SMG5: variants seen among roughly 807,000 people sequenced by gnomAD.
The protein encoded by SMG5 is SMG5 nonsense mediated mRNA decay factor.
Under a neutral mutation model 122.9 loss-of-function variants are expected in SMG5, and 53 were observed. The ratio of observed to expected loss-of-function variants is 0.43; its 90% CI spans 0.35 to 0.54. The LOEUF (loss-of-function observed/expected upper bound fraction) is 0.54. Ranked by LOEUF, SMG5 falls within the 20% of genes least tolerant of loss-of-function variation. The pLI is 0.01. For synonymous variants in SMG5, 477 were observed against 490.2 expected (o/e 0.97, Z 0.35); for missense variants, 1,153 against 1,285.6 (o/e 0.90, Z 1.58).
At chr1:156,283,003 A>C, upstream of SMG5, 1 of 505,540 alleles carries the variant, frequency 2.0e-6, no homozygotes, top group Non-Finnish European at 3.5e-6. Flanking sequence ...TTTATTGGCA[A>C]AGCTATCAGA....
At chr1:156,287,315 C>T (rs1042333717), upstream of SMG5, among the ~76,000 whole-genome samples, 2 of 152,046 alleles carry the variant, frequency 1.3e-5, no homozygotes, top group African/African-American at 2.4e-5. Context: ...ATTCAGGAGG[C>T]GGAGGCAGGA....
At chr1:156,269,415 C>T (rs1662299568) in intron 7 of SMG5, among the ~76,000 whole-genome samples, 1 of 152,188 alleles carries the variant, frequency 6.6e-6, no homozygotes, top group Admixed American at 6.5e-5. Context: ...GCCCTCAACC[C>T]TGTCTTACTA....
At chr1:156,261,270 G>A in intron 14 of SMG5, 63 bp downstream of exon 14, 1 of 1,508,276 alleles carries the variant, frequency 6.6e-7, no homozygotes, top group East Asian at 2.3e-5. Flanking sequence ...GGGGAGGGGA[G>A]ATGGGCTTAG....
At chr1:156,253,341 A>G (rs2103206402) in intron 17 of SMG5, 108 bp downstream of exon 17, 2 of 1,186,114 alleles carry the variant, frequency 1.7e-6, no homozygotes, top group East Asian at 4.7e-5. Context: ...GGAGGGACAC[A>G]GAGGCAACAG....
rs1185086892 is a variant in SMG5, at chr1:156,263,377, T to C, written c.2031+18A>G. The C allele has an allele frequency of 3.7e-6, 6 of 1,600,108 alleles. No individual in the cohort carries two copies. Among genetic ancestry groups the C allele is most frequent in the Non-Finnish European group, 1.7e-6 (2 of 1,169,906 alleles). On this transcript the variant is annotated intron_variant, in intron 13 of 21. Transcript: ENST00000361813. ...AGACCCTGGGACCTGACAGGGGCAA[T>C]GGAGTGGACTGACACACCTGCGCAC...
intron 16 of SMG5, among the ~76,000 whole-genome samples, chr1:156,258,486 C>T (rs1207806215): frequency 6.6e-6 from 1 of 152,226 alleles, no homozygotes; most frequent in African/African-American, 2.4e-5. Context: ...AGGTCTTGAG[C>T]TAGGCAGCCT....
chr1:156,260,351 G>T, intron 15 of SMG5, 100 bp downstream of exon 15: 1 of 1,368,408 alleles, frequency 7.3e-7, no homozygotes, highest in Non-Finnish European at 1.0e-6. Flanking sequence ...CTGTCTGAGT[G>T]GAAGAGGGCA....
intron 16 of SMG5, chr1:156,253,795 G>A (rs987590367): frequency 1.1e-5 from 5 of 460,700 alleles, no homozygotes; most frequent in African/African-American, 5.9e-5. Context: ...TCACCTGGCT[G>A]TGCCTCAGGA....
At chr1:156,281,125 TGCTATAATA>T (rs1662916806) in intron 1 of SMG5, among the ~76,000 whole-genome samples, 1 of 152,188 alleles carries the variant, frequency 6.6e-6, no homozygotes, top group African/African-American at 2.4e-5. Context: ...TGATCACCAC[TGCTATAATA>T]AATTATAAAA....
At chr1:156,290,124 T>C in the SMG5 span, 1 of 152,180 alleles carries the variant, frequency 6.6e-6, no homozygotes, top group Non-Finnish European at 1.5e-5. Flanking sequence ...TATATTGATA[T>C]AAAATGATCT....
intron 13 of SMG5, 37 bp downstream of exon 13, chr1:156,263,358 T>G: frequency 6.3e-7 from 1 of 1,582,966 alleles, no homozygotes; most frequent in Non-Finnish European, 8.6e-7. Context: ...TCCAAGACCC[T>G]GGGACCTGAC....
At chr1:156,285,293 C>A (rs1212521287), upstream of SMG5, 1 of 1,576,760 alleles carries the variant, frequency 6.3e-7, no homozygotes, top group Admixed American at 1.9e-5. Flanking sequence ...GAAGAGCTCA[C>A]CCCAGGCCTT....
Position 156,250,428 on chromosome 1 carries a change from C to T in SMG5, c.*159G>A, listed in dbSNP as rs113083083. 120 of 693,660 alleles carry T rather than the reference C, an allele frequency of 1.7e-4. No homozygotes were observed. The highest frequency in any genetic ancestry group is 2.5e-4 in the Middle Eastern group (1 of 4,020). 43.0% of individuals were successfully genotyped at this position (693,660 alleles called of 1,614,324 possible). A position where few individuals can be genotyped will look rare whatever the true frequency, so the allele number is the denominator to read the frequency against. On this transcript the variant is annotated 3_prime_UTR_variant, in exon 22 of 22. Coordinates refer to ENST00000361813, the MANE Select transcript of SMG5 (RefSeq NM_015327.3). ...AAAGGGACCCCACCCTCCCAGCCGG[C>T]TCCTGGGCCCTCCCTGCAGCCTCTG...
intron 16 of SMG5, among the ~76,000 whole-genome samples, chr1:156,254,797 A>G (rs1259290856): frequency 6.6e-6 from 1 of 152,082 alleles, no homozygotes; most frequent in African/African-American, 2.4e-5. Flanking sequence ...GTGCTTTAAA[A>G]TATTAATCTT....
In SMG5 at chr1:156,259,133, A is replaced by G. The variant is rs1038703626; in HGVS notation, c.2314T>C (p.Phe772Leu). 5.6e-6 allele frequency: 9 copies of G among 1,601,442 alleles called. No homozygotes were observed. In the African/African-American group the frequency reaches 9.4e-5, roughly 17 times the overall value. ...TGCAGGCGGGCGATGAAATGACCAAAGCTGCGGATGCAGCAGATGCGCACC... is the reference window on the plus strand; with the variant it reads ...TGCAGGCGGGCGATGAAATGACCAAGGCTGCGGATGCAGCAGATGCGCACC... The part of the protein sequence containing the change: ...SVVRICCIRS[F>L]GHFIARLQGS... Residue 772 changes from phenylalanine (F) to leucine (L), a missense_variant, in exon 16 of 22, where the codon TTT (phenylalanine) becomes CTT (leucine). Physicochemically the swap from Phe to Leu is conservative, Grantham distance 22. Around this residue, in one of 5 missense-constraint regions of SMG5, gnomAD observed 631 missense variants for 650.6 expected, o/e 0.97. Coordinates refer to ENST00000361813, the MANE Select transcript of SMG5 (RefSeq NM_015327.3).
intron 20 of SMG5, 173 bp from the exon 21 acceptor site, chr1:156,251,169 G>A (rs1312863427): frequency 1.0e-6 from 1 of 969,114 alleles, no homozygotes; most frequent in Non-Finnish European, 1.5e-6. Flanking sequence ...TGCATTGAGG[G>A]AAAACACCAA....
At chr1:156,256,554 G>T (rs1027001239) in intron 16 of SMG5, among the ~76,000 whole-genome samples, 1 of 152,106 alleles carries the variant, frequency 6.6e-6, no homozygotes, top group African/African-American at 2.4e-5. Context: ...TCAAGAGAGG[G>T]GGATGGGGGC....
At chr1:156,265,011 G>A (rs1210088544) in intron 12 of SMG5, among the ~76,000 whole-genome samples, 1 of 146,080 alleles carries the variant, frequency 6.8e-6, no homozygotes, top group East Asian at 2.0e-4. Flanking sequence ...GGGCAACAGA[G>A]TGAGACTCTG....
intron 10 of SMG5, 27 bp from the exon 11 acceptor site, chr1:156,266,705 G>A (rs776493885): frequency 2.5e-6 from 4 of 1,613,196 alleles, no homozygotes; most frequent in African/African-American, 2.7e-5. Flanking sequence ...CAGGCATTAG[G>A]GGCCTAGGGC....
Sources: allele counts gnomAD v4.1 joint callset (sites outside exome capture counted in the v4.1 genomes callset), GRCh38; gene constraint gnomAD v4.1.1; regional missense constraint gnomAD v4.1.1; transcripts MANE v1.5; gene names NCBI Gene and HGNC (gene_info 2026-07-23, HGNC 2026-07-21).